Variants in PKIB observed in about 807,000 individuals in gnomAD.
The protein encoded by PKIB is PKI-beta.
In PKIB, 2 loss-of-function variants were observed where a neutral mutation model predicts 4.5. The ratio of observed to expected loss-of-function variants is 0.44; its 90% CI spans 0.18 to 1.39. The LOEUF is 1.39. Among genes scored for constraint, PKIB ranks in the 40% most tolerant of loss-of-function variants. The pLI is 0.27. For missense variants in PKIB, 94 were observed against 92.6 expected (o/e 1.02, Z -0.06); for synonymous variants, 38 against 36.0 (o/e 1.06, Z -0.20).
chr6:122,574,563 A>T (rs139921920), intron 2 of PKIB, among the ~76,000 whole-genome samples: 1 of 152,348 alleles, frequency 6.6e-6, no homozygotes, highest in East Asian at 1.9e-4. Context: ...AAAAATAGGC[A>T]TATAGACCAA....
At chr6:122,503,473 T>G (rs1776306288) in intron 2 of PKIB, among the ~76,000 whole-genome samples, 1 of 152,226 alleles carries the variant, frequency 6.6e-6, no homozygotes, top group African/African-American at 2.4e-5. Flanking sequence ...GAAGAGTTTA[T>G]TTTATATTTC....
At chr6:122,643,570 T>G (rs1406197832) in intron 2 of PKIB, 1 of 152,216 alleles carries the variant, frequency 6.6e-6, no homozygotes, top group African/African-American at 2.4e-5. Context: ...AATAAAATAA[T>G]GGTAATTTGA....
At chr6:122,535,704 A>G (rs1435090341) in intron 2 of PKIB, among the ~76,000 whole-genome samples, 1 of 152,194 alleles carries the variant, frequency 6.6e-6, no homozygotes, top group Non-Finnish European at 1.5e-5. Context: ...AACATGTTTA[A>G]GTTTAAGCCC....
Position 122,553,207 on chromosome 6 carries a change from C to T in PKIB, c.-247-32714C>T, listed in dbSNP as rs971714814. On this transcript the variant is annotated intron_variant, in intron 2 of 6. Transcript: ENST00000392491. Reference sequence around the variant, plus strand: ...ATCTCTCCATTTATCCCCTGGCTACCCTGACCACCTGTATTCTGCTCCTAA... The same window carrying T: ...ATCTCTCCATTTATCCCCTGGCTACTCTGACCACCTGTATTCTGCTCCTAA... 4.6e-5 allele frequency among the ~76,000 whole-genome samples: 7 copies of T among 152,200 alleles called. No homozygotes were observed. In the East Asian group the frequency reaches 9.7e-4, roughly 21 times the overall value.
intron 2 of PKIB, among the ~76,000 whole-genome samples, chr6:122,581,200 T>C (rs1773692288): frequency 1.3e-5 from 2 of 152,312 alleles, no homozygotes. Flanking sequence ...AATACCATCA[T>C]CATTTTTCTA....
At position 122,725,294 on chromosome 6, in the gene PKIB, A is replaced by C; in HGVS notation, c.*99A>C. ...TTAATCTGGTGGTAACTGTGGTAAC[A>C]TTGCAGCCCTAAGCAGCATGTGTAT... On this transcript the variant is annotated 3_prime_UTR_variant, in exon 5 of 5. Coordinates refer to ENST00000368452, the MANE Select transcript of PKIB (RefSeq NM_181795.3). 1 of 940,532 alleles carries C rather than the reference A, an allele frequency of 1.1e-6. No homozygotes were observed. The highest frequency in any genetic ancestry group is 2.5e-5 in the Admixed American group (1 of 40,276). 58.3% of individuals were successfully genotyped at this position (940,532 alleles called of 1,614,324 possible). A position where few individuals can be genotyped will look rare whatever the true frequency, so the allele number is the denominator to read the frequency against.
At chr6:122,519,235 C>T (rs1367537489) in intron 2 of PKIB, among the ~76,000 whole-genome samples, 1 of 152,038 alleles carries the variant, frequency 6.6e-6, no homozygotes, top group African/African-American at 2.4e-5. Flanking sequence ...TAGCTTGTGC[C>T]TTCTTATGAG....
At chr6:122,587,558 G>T (rs1773888801) in intron 3 of PKIB, among the ~76,000 whole-genome samples, 2 of 152,140 alleles carry the variant, frequency 1.3e-5, no homozygotes, top group South Asian at 4.1e-4. Flanking sequence ...GGGATGGCTG[G>T]GTCGAATGGT....
At chr6:122,522,158 AC>A (rs539796084) in intron 2 of PKIB, among the ~76,000 whole-genome samples, 270 of 150,762 alleles carry the variant, frequency 1.8e-3, no homozygotes, top group African/African-American at 6.0e-3. Flanking sequence ...CAAAAAAAAA[AC>A]ATAAAGCGAG....
chr6:122,639,017 C>T (rs928764323), intron 2 of PKIB, among the ~76,000 whole-genome samples: 5 of 152,120 alleles, frequency 3.3e-5, no homozygotes, highest in African/African-American at 1.2e-4. Context: ...TTTACCACCA[C>T]CAGAAAAAAG....
intron 3 of PKIB, among the ~76,000 whole-genome samples, chr6:122,601,096 A>G (rs1008555599): frequency 6.6e-6 from 1 of 152,074 alleles, no homozygotes; most frequent in African/African-American, 2.4e-5. Context: ...AAGGCATAGC[A>G]ATAGAACTAT....
chr6:122,692,246 A>T, intron 3 of PKIB, among the ~76,000 whole-genome samples: 1 of 152,208 alleles, frequency 6.6e-6, no homozygotes, highest in East Asian at 1.9e-4. Context: ...AGCCAGTAGC[A>T]AAGCCAGTCA....
intron 2 of PKIB, chr6:122,484,167 A>T (rs1166748122): frequency 6.6e-6 from 1 of 152,098 alleles, no homozygotes; most frequent in Non-Finnish European, 1.5e-5. Context: ...GAAGTAAATA[A>T]AGAAAAAAAA....
chr6:122,562,386 GATT>G (rs1470021138), intron 2 of PKIB, among the ~76,000 whole-genome samples: 3 of 152,142 alleles, frequency 2.0e-5, no homozygotes, highest in Non-Finnish European at 4.4e-5. Flanking sequence ...CAGCTGTTAA[GATT>G]TTTTCCTTCG....
upstream of PKIB, among the ~76,000 whole-genome samples, chr6:122,608,835 C>T (rs1774631437): frequency 1.3e-5 from 2 of 152,134 alleles, no homozygotes; most frequent in Non-Finnish European, 2.9e-5. Flanking sequence ...ATAGGAAATA[C>T]ACTTGCAGGA....
At chr6:122,699,659 G>A (rs1412290980) in intron 3 of PKIB, among the ~76,000 whole-genome samples, 1 of 152,164 alleles carries the variant, frequency 6.6e-6, no homozygotes, top group African/African-American at 2.4e-5. Flanking sequence ...ATTACTTTGA[G>A]CCATGTTAAT....
At chr6:122,688,211 A>G (rs374732023) in intron 3 of PKIB, among the ~76,000 whole-genome samples, 4 of 152,270 alleles carry the variant, frequency 2.6e-5, no homozygotes, top group East Asian at 1.9e-4. Flanking sequence ...TGAAATGATC[A>G]TATGTTTTTT....
At chr6:122,500,345 TAATAA>T (rs551337898) in intron 2 of PKIB, among the ~76,000 whole-genome samples, 279 of 151,702 alleles carry the variant, frequency 1.8e-3, no homozygotes, top group Non-Finnish European at 3.5e-3. Context: ...CAGTAGATAT[TAATAA>T]AATAGAATTG....
At chr6:122,605,576 T>C (rs780747393), upstream of PKIB, among the ~76,000 whole-genome samples, 2 of 152,170 alleles carry the variant, frequency 1.3e-5, no homozygotes, top group Non-Finnish European at 2.9e-5. Context: ...CTGAATCTTA[T>C]ATTTTTAGGA....
Sources: gnomAD v4.1 joint callset for allele counts (sites outside exome capture counted in the v4.1 genomes callset) on GRCh38, gnomAD v4.1.1 for gene constraint, MANE v1.5 for transcripts, NCBI Gene and HGNC (gene_info 2026-07-23, HGNC 2026-07-21) for gene names.